The following KIF1B variants were observed in gnomAD, a reference collection of about 807,000 sequenced individuals.
KIF1B encodes kinesin family member 1B, also known as kinesin-like protein KIF1B.
A neutral mutation model predicts 241.9 loss-of-function variants in KIF1B; 76 were observed. That is an observed-to-expected ratio of 0.31 (90% CI 0.26 to 0.38). The LOEUF (loss-of-function observed/expected upper bound fraction) is 0.38, where lower values mean the gene tolerates loss of function less well. Among genes scored for constraint, KIF1B ranks in the 10% least tolerant of loss-of-function variants. The pLI is 1.00. For synonymous variants in KIF1B, 750 were observed against 796.7 expected (o/e 0.94, Z 0.99); for missense variants, 1,622 against 2,271.4 (o/e 0.71, Z 5.81).
In KIF1B at chr1:10,326,236, T is replaced by C. The variant is rs764856762; in HGVS notation, c.2801T>C (p.Phe934Ser). 1 of 1,614,168 alleles carries C rather than the reference T, an allele frequency of 6.2e-7. No homozygotes were observed. Among genetic ancestry groups the C allele is most frequent in the South Asian group, 1.1e-5 (1 of 91,072 alleles). The stretch of plus-strand genomic sequence containing the variant: ...GAGCAGCAAGATGAGATGGAGGATT[T>C]TGATGATGAGGCATTCGTGGATGAC... ...ADEQQDEMEDFDDEAFVDDAG... is the reference protein window; with the variant it reads ...ADEQQDEMEDSDDEAFVDDAG... Residue 934 changes from phenylalanine (F) to serine (S), a missense_variant, in exon 27 of 49, where the codon TTT becomes TCT. This residue lies in a region of KIF1B where 803 missense variants were observed against 1,112.0 expected (regional missense o/e 0.72). Transcript: ENST00000676179. The surrounding 1 kb of genome is among the most constrained non-coding windows in gnomAD (Gnocchi z 5.2).
chr1:10,310,088 T>G (rs1431950093), intron 22 of KIF1B, among the ~76,000 whole-genome samples: 2 of 151,646 alleles, frequency 1.3e-5, no homozygotes, highest in Non-Finnish European at 2.9e-5. Flanking sequence ...TCTTTGTATT[T>G]GTTTGGTTCT....
Position 10,376,872 on chromosome 1 carries a change from CAG to C in KIF1B, c.*287_*288del. On this transcript the variant is annotated 3_prime_UTR_variant, in exon 49 of 49. Transcript: ENST00000676179. ...ACACACACACACACACACACATACACAGACAAAAACACAAAAACTCTGAGGGG... is the reference window on the plus strand; with the variant it reads ...ACACACACACACACACACACATACACACAAAAACACAAAAACTCTGAGGGG... The C allele has an allele frequency of 2.3e-6, 1 of 438,854 alleles. No individual in the cohort carries two copies. The highest frequency in any genetic ancestry group is 3.5e-5 in the Admixed American group (1 of 28,868). 27.2% of individuals were successfully genotyped at this position (438,854 alleles called of 1,614,324 possible). A position where few individuals can be genotyped will look rare whatever the true frequency, so the allele number is the denominator to read the frequency against.
intron 2 of KIF1B, among the ~76,000 whole-genome samples, chr1:10,240,002 G>C (rs1222844731): frequency 6.6e-6 from 1 of 152,022 alleles, no homozygotes; most frequent in Admixed American, 6.6e-5. Flanking sequence ...TCCTGACCTC[G>C]TGATCAGCCT....
At chr1:10,344,716 G>A (rs557664620) in intron 34 of KIF1B, 3 of 152,232 alleles carry the variant, frequency 2.0e-5, no homozygotes, top group Non-Finnish European at 2.9e-5. Context: ...TAGGGTACAC[G>A]TGTGAATAGT....
chr1:10,218,159 G>A (rs1646793448), intron 1 of KIF1B, among the ~76,000 whole-genome samples: 1 of 152,016 alleles, frequency 6.6e-6, no homozygotes, highest in South Asian at 2.1e-4. Flanking sequence ...CCACTTCCGT[G>A]CCAACCCACT....
chr1:10,373,090 C>T (rs1638791480), intron 45 of KIF1B, among the ~76,000 whole-genome samples: 1 of 151,896 alleles, frequency 6.6e-6, no homozygotes, highest in Non-Finnish European at 1.5e-5. Context: ...GCTGGGATTA[C>T]AGGCGTGAGC....
chr1:10,350,150 G>A (rs886669663), intron 37 of KIF1B, among the ~76,000 whole-genome samples: 2 of 151,622 alleles, frequency 1.3e-5, no homozygotes, highest in Non-Finnish European at 2.9e-5. Context: ...TTAGCTGGTT[G>A]TGGTGGCGGG....
At chr1:10,256,127 C>A in intron 2 of KIF1B, 120 bp from the exon 3 acceptor site, 2 of 720,650 alleles carry the variant, frequency 2.8e-6, no homozygotes, top group Non-Finnish European at 5.0e-6. Flanking sequence ...TTTGATTGCC[C>A]TATTCAGATT....
intron 27 of KIF1B, among the ~76,000 whole-genome samples, chr1:10,333,256 C>A (rs1479465217): frequency 6.7e-6 from 1 of 148,854 alleles, no homozygotes; most frequent in Non-Finnish European, 1.5e-5. Context: ...AGAAACCCAG[C>A]CTACTCAGGA....
At chr1:10,317,055 C>T (rs1356084834) in intron 22 of KIF1B, among the ~76,000 whole-genome samples, 4 of 151,388 alleles carry the variant, frequency 2.6e-5, no homozygotes, top group Non-Finnish European at 5.9e-5. Context: ...ACCTGTAATC[C>T]CAGCACTTTG....
chr1:10,229,867 C>CAAAAAAAAAAA lies in KIF1B; in HGVS notation c.-79-2365_-79-2355dup, dbSNP rs58923572. ...TGGGTGATGGAGTGAGACTCCGTCTCAAAAAAAAAAAAAAAAAAAAAAAAA... is the reference window on the plus strand; with the variant it reads ...TGGGTGATGGAGTGAGACTCCGTCTCAAAAAAAAAAAAAAAAAAAAAAAAAAAAAAAAAAAA... On this transcript the variant is annotated intron_variant, in intron 1 of 48. Coordinates refer to ENST00000676179, the MANE Select transcript of KIF1B (RefSeq NM_001365951.3). Among the ~76,000 whole-genome samples, 57 of 56,474 alleles carry CAAAAAAAAAAA rather than the reference C, an allele frequency of 1.0e-3. 4 individuals carry two copies. Among genetic ancestry groups the CAAAAAAAAAAA allele is most frequent in the African/African-American group, 5.0e-3 (54 of 10,848 alleles). The allele number at this position is 56,474 out of a possible 152,430, so 37.0% of individuals were successfully genotyped here.
chr1:10,261,933 A>C lies in KIF1B; in HGVS notation c.392A>C (p.Asn131Thr). ...TGTGAAGAACTTTTTGAGAAAATCA[A>C]TGACAACTGTAATGAAGAAATGTCT... ...QLCEELFEKI[N>T]DNCNEEMSYS... Residue 131 changes from asparagine to threonine, a missense_variant, in exon 5 of 49, where the codon AAT becomes ACT. Asn to Thr is a moderately conservative substitution (Grantham distance 65). Coordinates refer to ENST00000676179, the MANE Select transcript of KIF1B (RefSeq NM_001365951.3). The C allele has an allele frequency of 6.2e-7, 1 of 1,612,202 alleles. No homozygotes were observed. Among genetic ancestry groups the C allele is most frequent in the South Asian group, 1.1e-5 (1 of 91,042 alleles).
At chr1:10,312,493 T>C (rs1651109869) in intron 22 of KIF1B, among the ~76,000 whole-genome samples, 1 of 151,458 alleles carries the variant, frequency 6.6e-6, no homozygotes, top group South Asian at 2.1e-4. Flanking sequence ...TAGAATAATA[T>C]CCCCAGACCT....
intron 38 of KIF1B, among the ~76,000 whole-genome samples, chr1:10,358,213 A>C (rs2102341314): frequency 6.6e-6 from 1 of 152,086 alleles, no homozygotes; most frequent in East Asian, 1.9e-4. Flanking sequence ...CCTTTGTGTT[A>C]ACCAGGTTTC....
intron 35 of KIF1B, among the ~76,000 whole-genome samples, chr1:10,347,120 A>G (rs1049045673): frequency 6.6e-6 from 1 of 151,722 alleles, no homozygotes; most frequent in African/African-American, 2.4e-5. Flanking sequence ...GTAAAAACAC[A>G]AATGAAAGAG....
At chr1:10,259,459 C>T (rs909910107) in intron 4 of KIF1B, among the ~76,000 whole-genome samples, 2 of 149,718 alleles carry the variant, frequency 1.3e-5, no homozygotes, top group Non-Finnish European at 3.0e-5. Flanking sequence ...GGACTAAAGC[C>T]ATGTGCCACC....
intron 7 of KIF1B, among the ~76,000 whole-genome samples, 163 bp from the exon 8 acceptor site, chr1:10,271,337 CTA>C (rs892168098): frequency 1.5e-4 from 23 of 152,288 alleles, no homozygotes; most frequent in African/African-American, 5.3e-4. Context: ...ACTGTTTAAA[CTA>C]ACTGATAGAT....
In KIF1B at chr1:10,337,460, T is replaced by G. The variant is rs180870886; in HGVS notation, c.3349T>G (p.Phe1117Val). 3 of 1,614,188 alleles carry G rather than the reference T, an allele frequency of 1.9e-6. No homozygotes were observed. The African/African-American group carries it at 4.0e-5, about 22-fold the overall frequency. The change falls in exon 31 of 49, where the codon TTC becomes GTC. Residue 1117 changes from phenylalanine (F) to valine (V), a missense_variant. This residue lies in a region of KIF1B where 803 missense variants were observed against 1,112.0 expected (regional missense o/e 0.72). Transcript: ENST00000676179. This position sits in a 1 kb window ranked among gnomAD's most constrained non-coding sequence, Gnocchi z 4.0. ...CAACCACCTGAAACTGGGCAGTGCC[T>G]TCACTTTCCGAGTAACAGTGTTGCA... ...IGNHLKLGSAFTFRVTVLQAS... is the reference protein window; with the variant it reads ...IGNHLKLGSAVTFRVTVLQAS...
At chr1:10,353,758 A>C (rs1652880747) in intron 38 of KIF1B, among the ~76,000 whole-genome samples, 1 of 152,164 alleles carries the variant, frequency 6.6e-6, no homozygotes, top group African/African-American at 2.4e-5. Flanking sequence ...GTTTGCTGGC[A>C]GGGGCTGTGG....
Sources: allele counts gnomAD v4.1 joint callset (sites outside exome capture counted in the v4.1 genomes callset), GRCh38; gene constraint gnomAD v4.1.1; regional missense constraint gnomAD v4.1.1; non-coding constraint Gnocchi (gnomAD v3.1); transcripts MANE v1.5; gene names NCBI Gene and HGNC (gene_info 2026-07-23, HGNC 2026-07-21).